RARB: variants seen among roughly 807,000 people sequenced by gnomAD.
RARB encodes the protein retinoic acid receptor beta, also known as HBV-activated protein.
In RARB, 17 loss-of-function variants were observed where a neutral mutation model predicts 51.9. That is an observed-to-expected ratio of 0.33 (90% confidence interval 0.22 to 0.49). RARB has a LOEUF of 0.49. Among genes scored for constraint, RARB ranks in the 20% least tolerant of loss-of-function variants. The probability of loss-of-function intolerance (pLI) is 0.99; values close to 1 mark genes in which losing one functional copy is unlikely to be tolerated. For synonymous variants in RARB, 215 were observed against 195.4 expected, an observed-to-expected ratio of 1.10 and a Z score of -0.84; for missense variants, 369 against 550.8, an observed-to-expected ratio of 0.67 and a Z score of 3.30.
intron 2 of RARB, among the ~76,000 whole-genome samples, chr3:24,930,700 T>A (rs1253985002): frequency 6.6e-6 from 1 of 152,074 alleles, no homozygotes; most frequent in Non-Finnish European, 1.5e-5. Flanking sequence ...CTGTAAGATA[T>A]GCACCCTAAT....
intron 3 of RARB, among the ~76,000 whole-genome samples, chr3:25,512,399 G>T (rs993526349): frequency 6.6e-6 from 1 of 152,202 alleles, no homozygotes; most frequent in Non-Finnish European, 1.5e-5. Context: ...TGAGCCAGGT[G>T]ATCTGATGTT....
intron 5 of RARB, among the ~76,000 whole-genome samples, chr3:25,309,360 C>T (rs549239642): frequency 1.2e-4 from 18 of 150,714 alleles, no homozygotes; most frequent in South Asian, 2.1e-4. Flanking sequence ...AGGCTGGTCT[C>T]GATCTCCTGA....
chr3:25,043,989 G>A (rs1490258741), intron 2 of RARB, among the ~76,000 whole-genome samples: 1 of 151,942 alleles, frequency 6.6e-6, no homozygotes, highest in Non-Finnish European at 1.5e-5. Flanking sequence ...CCTCCTGACT[G>A]GTGGATTGAG....
intron 3 of RARB, among the ~76,000 whole-genome samples, chr3:25,122,107 A>C (rs1208622589): frequency 6.6e-6 from 1 of 152,156 alleles, no homozygotes; most frequent in African/African-American, 2.4e-5. Context: ...AACGCAAATA[A>C]GATCAGTTTC....
rs188771665 is a variant in RARB, at chr3:25,584,218, C to T, written c.786+3496C>T. On this transcript the variant is annotated intron_variant, in intron 5 of 7. Coordinates refer to ENST00000330688, the MANE Select transcript of RARB (RefSeq NM_000965.5). ...TCTGTTGATGACCTACTGTGTGCCGCGCACTATTCTAGGCTCTGAGGAGGC... is the reference window on the plus strand; with the variant it reads ...TCTGTTGATGACCTACTGTGTGCCGTGCACTATTCTAGGCTCTGAGGAGGC... Among the ~76,000 whole-genome samples the T allele has an allele frequency of 2.5e-4, 38 of 152,252 alleles. No individual in the cohort carries two copies. In the South Asian group the frequency reaches 4.6e-3, roughly 18 times the overall value.
intron 2 of RARB, among the ~76,000 whole-genome samples, chr3:24,970,837 A>G (rs1001000509): frequency 1.3e-5 from 2 of 152,050 alleles, no homozygotes; most frequent in Non-Finnish European, 2.9e-5. Context: ...ATTCCAAGTC[A>G]TGAGAATAGA....
At chr3:25,229,587 T>C (rs930325934) in intron 5 of RARB, among the ~76,000 whole-genome samples, 1 of 152,124 alleles carries the variant, frequency 6.6e-6, no homozygotes, top group Non-Finnish European at 1.5e-5. Context: ...CTTTTGCTAT[T>C]TCTCTATCAA....
At chr3:25,461,090 A>G in intron 1 of RARB, 103 bp from the exon 2 acceptor site, 2 of 1,330,124 alleles carry the variant, frequency 1.5e-6, no homozygotes, top group Admixed American at 2.5e-5. Context: ...TGCTAGTGTT[A>G]TTGCTGAATT....
chr3:25,300,305 C>A (rs167732), intron 5 of RARB, among the ~76,000 whole-genome samples: 58,432 of 152,126 alleles, frequency 0.38, 11,998 homozygotes, highest in South Asian at 0.5. Context: ...ATGTGGCACA[C>A]TGTCTAGATC....
intron 5 of RARB, among the ~76,000 whole-genome samples, chr3:25,383,093 C>T (rs1041211116): frequency 1.3e-5 from 2 of 152,178 alleles, no homozygotes; most frequent in African/African-American, 4.8e-5. Flanking sequence ...TATGCAAGTA[C>T]AAATTCCTGT....
intron 4 of RARB, among the ~76,000 whole-genome samples, chr3:25,150,906 T>A (rs1292732737): frequency 6.6e-6 from 1 of 152,224 alleles, no homozygotes; most frequent in Non-Finnish European, 1.5e-5. Flanking sequence ...GAATATCCAC[T>A]ACCCAAAAGG....
chr3:25,130,777 C>T (rs943133163), intron 3 of RARB, among the ~76,000 whole-genome samples: 9 of 151,216 alleles, frequency 6.0e-5, no homozygotes, highest in African/African-American at 2.0e-4. Context: ...CCTGCAGCCT[C>T]ATCCTTGCAT....
chr3:24,996,995 A>T (rs1314289680), intron 2 of RARB, among the ~76,000 whole-genome samples: 1 of 152,016 alleles, frequency 6.6e-6, no homozygotes, highest in Admixed American at 6.6e-5. Flanking sequence ...TATAGTTTAA[A>T]TCCAATGTTT....
At chr3:24,901,757 C>CT (rs1374680727) in intron 2 of RARB, among the ~76,000 whole-genome samples, 2 of 152,118 alleles carry the variant, frequency 1.3e-5, no homozygotes, top group Admixed American at 6.6e-5. Context: ...CCTTTGCTGA[C>CT]TAGGGGGATT....
At chr3:25,342,903 A>T (rs971610883) in intron 5 of RARB, among the ~76,000 whole-genome samples, 18 of 152,148 alleles carry the variant, frequency 1.2e-4, no homozygotes, top group Non-Finnish European at 2.4e-4. Flanking sequence ...GATGGAGCCC[A>T]GTGCTGCTTT....
intron 3 of RARB, among the ~76,000 whole-genome samples, chr3:25,562,536 C>A (rs868383300): frequency 6.6e-6 from 1 of 152,114 alleles, no homozygotes; most frequent in South Asian, 2.1e-4. Flanking sequence ...GAAGCACCGC[C>A]GGGTATGAAG....
upstream of RARB, among the ~76,000 whole-genome samples, chr3:25,425,671 C>T (rs1242589078): frequency 6.6e-6 from 1 of 152,136 alleles, no homozygotes; most frequent in Non-Finnish European, 1.5e-5. Flanking sequence ...AGTCGCCCAA[C>T]CTTTACCACA....
At chr3:25,415,530 G>T (rs1192224538) in intron 5 of RARB, among the ~76,000 whole-genome samples, 1 of 151,958 alleles carries the variant, frequency 6.6e-6, no homozygotes, top group African/African-American at 2.4e-5. Context: ...ATACCCCATT[G>T]TTCCAGCACT....
At chr3:25,452,702 TC>T (rs1709247610) in intron 1 of RARB, among the ~76,000 whole-genome samples, 1 of 152,120 alleles carries the variant, frequency 6.6e-6, no homozygotes, top group African/African-American at 2.4e-5. Context: ...ACATATTAAG[TC>T]ATTTACATCT....
Sources: gnomAD v4.1 joint callset for allele counts (sites outside exome capture counted in the v4.1 genomes callset) on GRCh38, gnomAD v4.1.1 for gene constraint, MANE v1.5 for transcripts, NCBI Gene and HGNC (gene_info 2026-07-23, HGNC 2026-07-21) for gene names.